The following LIPC variants were observed in gnomAD, a reference collection of about 807,000 sequenced individuals.
LIPC encodes hepatic triacylglycerol lipase.
In LIPC, 44 loss-of-function variants were observed where a neutral mutation model predicts 50.7. The ratio of observed to expected loss-of-function variants is 0.87; its 90% CI spans 0.68 to 1.11. The LOEUF is 1.11. LIPC is among the 50% of genes most tolerant of loss of function. The probability of loss-of-function intolerance (pLI) is 0.00; values close to 1 mark genes in which losing one functional copy is unlikely to be tolerated. For missense variants in LIPC, 697 were observed against 648.2 expected (o/e 1.08, Z -0.82); for synonymous variants, 271 against 256.4 (o/e 1.06, Z -0.54).
chr15:58,493,671 AATTT>A lies in LIPC; in HGVS notation c.89-44658_89-44655del, dbSNP rs1309691992. The stretch of plus-strand genomic sequence containing the variant: ...TTACGTATAAATAAAATTTATACAA[AATTT>A]ATTACGTATAAATAAAATTTATACA... On this transcript the variant is annotated intron_variant, in intron 1 of 8. Transcript: ENST00000299022. Among the ~76,000 whole-genome samples, 8 of 147,564 alleles carry A rather than the reference AATTT, an allele frequency of 5.4e-5. No homozygotes were observed. The East Asian group carries it at 1.4e-3, about 25-fold the overall frequency.
chr15:58,502,034 G>C (rs1302787434), intron 1 of LIPC, among the ~76,000 whole-genome samples: 1 of 152,162 alleles, frequency 6.6e-6, no homozygotes, highest in African/African-American at 2.4e-5. Flanking sequence ...CCGAGGGTGA[G>C]GCTGCAGCCA....
At chr15:58,440,996 C>G (rs1308280845) in intron 1 of LIPC, among the ~76,000 whole-genome samples, 1 of 152,168 alleles carries the variant, frequency 6.6e-6, no homozygotes, top group Non-Finnish European at 1.5e-5. Context: ...CAGGGCAGAC[C>G]ACTGATGAGG....
intron 1 of LIPC, among the ~76,000 whole-genome samples, chr15:58,451,328 G>A (rs1893892552): frequency 6.6e-6 from 1 of 152,194 alleles, no homozygotes. Flanking sequence ...AAATTAACTT[G>A]TGGGGAATTT....
intron 1 of LIPC, among the ~76,000 whole-genome samples, chr15:58,470,936 C>T (rs1330829417): frequency 1.3e-5 from 2 of 151,998 alleles, no homozygotes; most frequent in Non-Finnish European, 2.9e-5. Context: ...TTTTCATCTT[C>T]CTAATACCTA....
At chr15:58,469,785 C>T (rs996007323) in intron 1 of LIPC, among the ~76,000 whole-genome samples, 2 of 152,206 alleles carry the variant, frequency 1.3e-5, no homozygotes. Flanking sequence ...ACTAACAAAG[C>T]TCGTTGAGAA....
chr15:58,450,920 C>T (rs1459728028), intron 1 of LIPC, among the ~76,000 whole-genome samples: 1 of 152,196 alleles, frequency 6.6e-6, no homozygotes, highest in Admixed American at 6.5e-5. Flanking sequence ...CTGATGAATA[C>T]TAGAGGTCTT....
intron 1 of LIPC, among the ~76,000 whole-genome samples, chr15:58,513,207 C>T (rs920309931): frequency 3.3e-5 from 5 of 152,170 alleles, no homozygotes; most frequent in African/African-American, 1.2e-4. Flanking sequence ...TTCCACATCC[C>T]CTTCTGCCAA....
intron 1 of LIPC, among the ~76,000 whole-genome samples, chr15:58,467,223 T>C (rs186091228): frequency 6.6e-6 from 1 of 152,294 alleles, no homozygotes; most frequent in East Asian, 1.9e-4. Context: ...TGAAATGGAC[T>C]TCCGTGATCA....
At chr15:58,557,486 A>T (rs35892254) in intron 6 of LIPC, among the ~76,000 whole-genome samples, 1 of 141,520 alleles carries the variant, frequency 7.1e-6, no homozygotes, top group Non-Finnish European at 1.5e-5. Flanking sequence ...CTGGGTTCAC[A>T]CCATTCTCCT....
chr15:58,523,891 C>G (rs1215552092), intron 1 of LIPC, among the ~76,000 whole-genome samples: 1 of 152,120 alleles, frequency 6.6e-6, no homozygotes, highest in African/African-American at 2.4e-5. Flanking sequence ...GCTACGATCA[C>G]TACACTCCAG....
intron 1 of LIPC, chr15:58,436,695 C>T (rs567494346): frequency 1.7e-4 from 78 of 455,960 alleles, no homozygotes; most frequent in Non-Finnish European, 3.3e-4. Context: ...CAGAACATGG[C>T]ATGAGATGAG....
chr15:58,435,720 G>C (rs1396334054), intron 1 of LIPC: 1 of 152,196 alleles, frequency 6.6e-6, no homozygotes. Flanking sequence ...AACCAGCCTG[G>C]CCAACATGGT....
intron 1 of LIPC, among the ~76,000 whole-genome samples, chr15:58,500,755 C>G (rs1403181163): frequency 6.9e-6 from 1 of 144,854 alleles, no homozygotes; most frequent in African/African-American, 2.6e-5. Flanking sequence ...CCCTCTCCCC[C>G]CACCACCCCC....
chr15:58,489,696 T>C (rs1239754285), intron 1 of LIPC, among the ~76,000 whole-genome samples: 1 of 152,218 alleles, frequency 6.6e-6, no homozygotes, highest in Non-Finnish European at 1.5e-5. Flanking sequence ...TCTGGCCACA[T>C]GACCCCTGAG....
intron 8 of LIPC, chr15:58,565,924 A>C (rs1894351247): frequency 1.0e-6 from 1 of 985,014 alleles, no homozygotes; most frequent in Non-Finnish European, 1.2e-6. Context: ...AAAAAAAAAA[A>C]AAAAAATCTG....
intron 1 of LIPC, among the ~76,000 whole-genome samples, chr15:58,529,536 G>A (rs982679668): frequency 1.3e-5 from 2 of 152,204 alleles, no homozygotes; most frequent in Non-Finnish European, 2.9e-5. Flanking sequence ...GCTGTCTTCC[G>A]TGATTCAAGA....
chr15:58,465,775 G>A (rs1488841305), intron 1 of LIPC, among the ~76,000 whole-genome samples: 2 of 152,068 alleles, frequency 1.3e-5, no homozygotes, highest in Admixed American at 6.5e-5. Flanking sequence ...AGTCATCACC[G>A]GTCCCACACT....
chr15:58,477,160 G>C (rs1393307964), intron 1 of LIPC, among the ~76,000 whole-genome samples: 1 of 152,216 alleles, frequency 6.6e-6, no homozygotes, highest in Non-Finnish European at 1.5e-5. Context: ...CAGGTTGTCT[G>C]TATGTAGACT....
chr15:58,500,995 G>A (rs560095773), intron 1 of LIPC, among the ~76,000 whole-genome samples: 16 of 151,844 alleles, frequency 1.1e-4, no homozygotes, highest in South Asian at 4.2e-4. Context: ...TACCATTCTC[G>A]CAGCCAATCC....
Sources: allele counts gnomAD v4.1 joint callset (sites outside exome capture counted in the v4.1 genomes callset), GRCh38; gene constraint gnomAD v4.1.1; transcripts MANE v1.5; gene names NCBI Gene and HGNC (gene_info 2026-07-23, HGNC 2026-07-21).